The following NUCB2 variants were observed in gnomAD, a reference collection of about 807,000 sequenced individuals.
NUCB2 encodes the protein nucleobindin-2.
In NUCB2, 48 loss-of-function variants were observed where a neutral mutation model predicts 57.9. That is an observed-to-expected ratio of 0.83 (90% CI 0.66 to 1.05). The LOEUF is 1.05. Ranked by LOEUF, NUCB2 falls within the 50% of genes least tolerant of loss-of-function variation. The pLI, the probability that NUCB2 is intolerant of heterozygous loss-of-function variation, is 0.00. For synonymous variants in NUCB2, 139 were observed against 152.1 expected (o/e 0.91, Z 0.64); for missense variants, 442 against 476.2 (o/e 0.93, Z 0.67).
At chr11:17,308,661 T>C (rs1948053861) in intron 5 of NUCB2, among the ~76,000 whole-genome samples, 1 of 152,198 alleles carries the variant, frequency 6.6e-6, no homozygotes, top group South Asian at 2.1e-4. Context: ...ATTACATGTG[T>C]CCACTATGTA....
intron 5 of NUCB2, among the ~76,000 whole-genome samples, chr11:17,309,052 G>A (rs1270763093): frequency 6.6e-5 from 10 of 152,158 alleles, no homozygotes. Context: ...GGTGGCTCAT[G>A]CCTGTAACCC....
At chr11:17,282,122 T>C (rs1327854412) in intron 1 of NUCB2, among the ~76,000 whole-genome samples, 1 of 151,542 alleles carries the variant, frequency 6.6e-6, no homozygotes, top group African/African-American at 2.4e-5. Flanking sequence ...AAAATAAGCT[T>C]TTAATCTGAA....
At chr11:17,292,644 T>G (rs189127457) in intron 2 of NUCB2, among the ~76,000 whole-genome samples, 2 of 152,202 alleles carry the variant, frequency 1.3e-5, no homozygotes, top group Admixed American at 6.5e-5. Flanking sequence ...CAACAAAGGC[T>G]TTGGAGTCAG....
intron 7 of NUCB2, 23 bp downstream of exon 7, chr11:17,311,033 A>G: frequency 6.5e-7 from 1 of 1,542,340 alleles, no homozygotes; most frequent in African/African-American, 1.4e-5. Context: ...ACTTTATGAA[A>G]CCATTTTTAG....
At chr11:17,319,188 C>T (rs1327572889) in intron 11 of NUCB2, among the ~76,000 whole-genome samples, 1 of 152,078 alleles carries the variant, frequency 6.6e-6, no homozygotes, top group Non-Finnish European at 1.5e-5. Context: ...ACTATTCCTT[C>T]CCCTCGACCT....
chr11:17,284,858 A>G (rs867908654), intron 2 of NUCB2, among the ~76,000 whole-genome samples: 50 of 152,172 alleles, frequency 3.3e-4, no homozygotes, highest in African/African-American at 1.1e-3. Flanking sequence ...TTGCAATTGT[A>G]TTTAATAGCT....
intron 10 of NUCB2, among the ~76,000 whole-genome samples, chr11:17,313,405 C>G (rs1948798488): frequency 6.6e-6 from 1 of 151,940 alleles, no homozygotes; most frequent in African/African-American, 2.4e-5. Flanking sequence ...TAGTGCATAC[C>G]TACAATCCCA....
At chr11:17,329,629 C>T (rs1052496903) in intron 11 of NUCB2, among the ~76,000 whole-genome samples, 3 of 152,232 alleles carry the variant, frequency 2.0e-5, no homozygotes, top group Non-Finnish European at 4.4e-5. Context: ...GGCACAGACT[C>T]TCTGTGCTGC....
intron 2 of NUCB2, among the ~76,000 whole-genome samples, chr11:17,288,938 CACACACACACACATATATAT>C (rs1944393351): frequency 2.4e-5 from 2 of 82,886 alleles, no homozygotes; most frequent in Admixed American, 1.4e-4. Context: ...CACACACACA[CACACACACACACATATATAT>C]ATATATTTTT....
At position 17,330,075 on chromosome 11, in the gene NUCB2, A is replaced by T; in HGVS notation, c.1003-52A>T. Reference sequence around the variant, plus strand: ...CCATAGAATTTTAAAGCTAAATCAGACTTTATTGTTGTAGTTTTGAGATTA... The same window carrying T: ...CCATAGAATTTTAAAGCTAAATCAGTCTTTATTGTTGTAGTTTTGAGATTA... On this transcript the variant is annotated intron_variant, in intron 11 of 13. Transcript: ENST00000529010. This position sits in a 1 kb window ranked among gnomAD's most constrained non-coding sequence, Gnocchi z 4.3. 1 of 1,005,486 alleles carries T rather than the reference A, an allele frequency of 9.9e-7. No individual in the cohort carries two copies. Among genetic ancestry groups the T allele is most frequent in the Non-Finnish European group, 1.4e-6 (1 of 693,098 alleles). The allele number at this position is 1,005,486 out of a possible 1,614,324, so 62.3% of individuals were successfully genotyped here.
At chr11:17,337,823 C>T (rs1222512612) in intron 2 of NUCB2, among the ~76,000 whole-genome samples, 12 of 151,906 alleles carry the variant, frequency 7.9e-5, no homozygotes, top group Admixed American at 7.2e-4. Flanking sequence ...TTAGTAGAGA[C>T]GGGGTTTCAC....
intron 2 of NUCB2, among the ~76,000 whole-genome samples, chr11:17,289,897 C>T (rs1251040591): frequency 1.3e-5 from 2 of 152,156 alleles, no homozygotes; most frequent in Non-Finnish European, 2.9e-5. Context: ...AGTTGTGCAG[C>T]TTCTGTTCAG....
intron 11 of NUCB2, among the ~76,000 whole-genome samples, chr11:17,324,797 TATTTA>T (rs1950463676): frequency 1.3e-5 from 2 of 151,130 alleles, no homozygotes; most frequent in Non-Finnish European, 2.9e-5. Context: ...TTTATTTATT[TATTTA>T]TTTATTTATT....
At chr11:17,323,446 T>G (rs1950276788) in intron 11 of NUCB2, among the ~76,000 whole-genome samples, 1 of 152,216 alleles carries the variant, frequency 6.6e-6, no homozygotes, top group South Asian at 2.1e-4. Context: ...TATGATCTTT[T>G]TAATGTATTG....
intron 1 of NUCB2, 124 bp from the exon 2 acceptor site, chr11:17,282,665 T>C (rs1172798926): frequency 6.6e-6 from 1 of 152,198 alleles, no homozygotes; most frequent in African/African-American, 2.4e-5. Flanking sequence ...ATCATAAAAA[T>C]TTGGCACTTT....
At chr11:17,345,371 G>A (rs1295181357) in intron 2 of NUCB2, among the ~76,000 whole-genome samples, 4 of 152,108 alleles carry the variant, frequency 2.6e-5, no homozygotes, top group Non-Finnish European at 4.4e-5. Context: ...ACTAATTATT[G>A]GGAGAATATT....
chr11:17,335,571 G>A (rs906076547), downstream of NUCB2, among the ~76,000 whole-genome samples: 1 of 151,808 alleles, frequency 6.6e-6, no homozygotes, highest in African/African-American at 2.4e-5. Context: ...GTGCGATCTC[G>A]GCTCACTGCA....
At chr11:17,303,921 T>C (rs1947200395) in intron 5 of NUCB2, among the ~76,000 whole-genome samples, 1 of 151,174 alleles carries the variant, frequency 6.6e-6, no homozygotes, top group Admixed American at 6.6e-5. Flanking sequence ...ATAAGTCATA[T>C]GGCTTTCTCC....
At chr11:17,336,622 C>T (rs1225258312), downstream of NUCB2, among the ~76,000 whole-genome samples, 5 of 151,134 alleles carry the variant, frequency 3.3e-5, no homozygotes, top group African/African-American at 1.2e-4. Context: ...GGCGTGGTGG[C>T]GGGCGCCTGT....
Sources: gnomAD v4.1 joint callset for allele counts (sites outside exome capture counted in the v4.1 genomes callset) on GRCh38, gnomAD v4.1.1 for gene constraint, Gnocchi (gnomAD v3.1) non-coding constraint, MANE v1.5 for transcripts, NCBI Gene and HGNC (gene_info 2026-07-23, HGNC 2026-07-21) for gene names.